The following CNTN4 variants were observed in gnomAD, a reference collection of about 807,000 sequenced individuals.
The protein encoded by CNTN4 is contactin-4.
Under a neutral mutation model 122.5 loss-of-function variants are expected in CNTN4, and 77 were observed. The ratio of observed to expected loss-of-function variants is 0.63; its 90% CI spans 0.52 to 0.76. CNTN4 has a LOEUF of 0.76. Among genes scored for constraint, CNTN4 ranks in the 30% least tolerant of loss-of-function variants. The pLI is 0.00. For missense variants in CNTN4, 1,256 were observed against 1,259.1 expected (o/e 1.00, Z 0.04); for synonymous variants, 512 against 447.0 (o/e 1.15, Z -1.83).
At chr3:2,496,985 A>G (rs988143021) in intron 3 of CNTN4, among the ~76,000 whole-genome samples, 3 of 152,086 alleles carry the variant, frequency 2.0e-5, no homozygotes, top group Non-Finnish European at 4.4e-5. Flanking sequence ...AGAGAGCAAA[A>G]TTGCCCTTCT....
intron 2 of CNTN4, among the ~76,000 whole-genome samples, chr3:2,275,784 G>A (rs1190448794): frequency 2.6e-5 from 4 of 151,760 alleles, no homozygotes; most frequent in African/African-American, 9.7e-5. Flanking sequence ...GCCGGGCGTG[G>A]TGGTGTGTGC....
chr3:2,672,576 C>T (rs1417902824), intron 4 of CNTN4, among the ~76,000 whole-genome samples: 2 of 152,170 alleles, frequency 1.3e-5, no homozygotes, highest in South Asian at 2.1e-4. Flanking sequence ...TGAGGCAATG[C>T]GTCGCCCTGC....
At chr3:2,157,951 C>A (rs2035793915) in intron 2 of CNTN4, among the ~76,000 whole-genome samples, 1 of 152,118 alleles carries the variant, frequency 6.6e-6, no homozygotes, top group Non-Finnish European at 1.5e-5. Flanking sequence ...ATTAAAGGAA[C>A]CCCAAATTAG....
intron 4 of CNTN4, among the ~76,000 whole-genome samples, chr3:2,707,416 A>G (rs1251872460): frequency 1.3e-5 from 2 of 152,124 alleles, no homozygotes; most frequent in Non-Finnish European, 2.9e-5. Context: ...ATCTTTTAGG[A>G]CTATTTAATT....
intron 4 of CNTN4, among the ~76,000 whole-genome samples, chr3:2,657,244 T>C (rs889845818): frequency 2.6e-5 from 4 of 152,202 alleles, no homozygotes; most frequent in South Asian, 4.1e-4. Context: ...GAGGCACTTA[T>C]TGGAAACCTA....
intron 2 of CNTN4, among the ~76,000 whole-genome samples, chr3:2,330,265 A>T (rs1024751367): frequency 2.0e-5 from 3 of 152,220 alleles, no homozygotes; most frequent in African/African-American, 7.2e-5. Context: ...AGGAGCACAG[A>T]TCTTCCATCC....
At chr3:2,881,900 A>G (rs941840075) in intron 8 of CNTN4, among the ~76,000 whole-genome samples, 1 of 152,218 alleles carries the variant, frequency 6.6e-6, no homozygotes, top group African/African-American at 2.4e-5. Flanking sequence ...AGCCTAAAGG[A>G]GAGATGAAAT....
intron 14 of CNTN4, among the ~76,000 whole-genome samples, chr3:3,017,747 G>T (rs1305339037): frequency 6.6e-6 from 1 of 152,152 alleles, no homozygotes; most frequent in Non-Finnish European, 1.5e-5. Context: ...GGGAGAAGTG[G>T]GTGCTCACGA....
chr3:2,582,372 T>G (rs2079982147), intron 4 of CNTN4, among the ~76,000 whole-genome samples: 1 of 152,092 alleles, frequency 6.6e-6, no homozygotes, highest in Admixed American at 6.5e-5. Flanking sequence ...AGTGGCATAA[T>G]CAGATTCCAA....
intron 3 of CNTN4, among the ~76,000 whole-genome samples, chr3:2,451,268 G>A (rs1019494863): frequency 1.3e-5 from 2 of 152,000 alleles, no homozygotes; most frequent in African/African-American, 4.8e-5. Context: ...TGGGCCTTAT[G>A]GCGACATTAC....
At chr3:2,813,497 C>G (rs2092660437) in intron 6 of CNTN4, among the ~76,000 whole-genome samples, 3 of 152,002 alleles carry the variant, frequency 2.0e-5, no homozygotes, top group Non-Finnish European at 2.9e-5. Flanking sequence ...TTTCTCCCTT[C>G]TCTCTGTGGA....
chr3:2,552,686 A>C (rs1045753439), intron 3 of CNTN4, among the ~76,000 whole-genome samples: 2 of 152,188 alleles, frequency 1.3e-5, no homozygotes, highest in African/African-American at 4.8e-5. Context: ...GGTATCAAAG[A>C]GAGGAGACTT....
intron 3 of CNTN4, among the ~76,000 whole-genome samples, chr3:2,448,239 G>A (rs947982762): frequency 1.3e-5 from 2 of 152,196 alleles, no homozygotes; most frequent in African/African-American, 4.8e-5. Flanking sequence ...CAAGCCTGGG[G>A]CAGAGAATGT....
At chr3:2,998,517 T>C (rs1415547587) in intron 14 of CNTN4, among the ~76,000 whole-genome samples, 1 of 151,450 alleles carries the variant, frequency 6.6e-6, no homozygotes, top group Non-Finnish European at 1.5e-5. Context: ...CCTTTAGGAG[T>C]AGATACTGAT....
chr3:2,474,837 A>G (rs1465169166), intron 3 of CNTN4, among the ~76,000 whole-genome samples: 1 of 152,174 alleles, frequency 6.6e-6, no homozygotes, highest in Non-Finnish European at 1.5e-5. Context: ...TAGAATTAAT[A>G]TTTCATTGTA....
At chr3:2,543,946 G>C (rs2078135516) in intron 3 of CNTN4, among the ~76,000 whole-genome samples, 1 of 152,222 alleles carries the variant, frequency 6.6e-6, no homozygotes, top group African/African-American at 2.4e-5. Flanking sequence ...GAAGCGACAA[G>C]CCTCTGTGGT....
chr3:2,292,506 C>G (rs1332887637), intron 2 of CNTN4, among the ~76,000 whole-genome samples: 1 of 151,792 alleles, frequency 6.6e-6, no homozygotes, highest in Admixed American at 6.5e-5. Flanking sequence ...CAGCCATTAA[C>G]TACTACTCAG....
At chr3:2,184,792 T>A (rs1162340876) in intron 2 of CNTN4, among the ~76,000 whole-genome samples, 1 of 152,158 alleles carries the variant, frequency 6.6e-6, no homozygotes, top group Non-Finnish European at 1.5e-5. Flanking sequence ...TGCTGGCACC[T>A]TGGTCTTGGA....
intron 2 of CNTN4, among the ~76,000 whole-genome samples, chr3:2,324,702 A>G (rs1204947874): frequency 6.6e-6 from 1 of 152,162 alleles, no homozygotes; most frequent in Non-Finnish European, 1.5e-5. Context: ...ATGTCCACAG[A>G]TTAAAATGAG....
Sources: gnomAD v4.1 joint callset for allele counts (sites outside exome capture counted in the v4.1 genomes callset) on GRCh38, gnomAD v4.1.1 for gene constraint, MANE v1.5 for transcripts, NCBI Gene and HGNC (gene_info 2026-07-23, HGNC 2026-07-21) for gene names.